RAB40C: variants seen among roughly 807,000 people sequenced by gnomAD.
RAB40C encodes the protein ras-related protein Rab-40C.
RAB40C carries 8 observed loss-of-function variants against 28.1 expected under a neutral mutation model. The observed-to-expected ratio is 0.28, with a 90% CI of 0.17 to 0.51. The LOEUF (loss-of-function observed/expected upper bound fraction) is 0.51. Ranked by LOEUF, RAB40C falls within the 20% of genes least tolerant of loss-of-function variation. The pLI is 0.97. For missense variants in RAB40C, 288 were observed against 405.9 expected, an observed-to-expected ratio of 0.71 and a Z score of 2.50; for synonymous variants, 201 against 171.7, an observed-to-expected ratio of 1.17 and a Z score of -1.34.
At chr16:601,885 T>C (rs1209882236) in intron 1 of RAB40C, among the ~76,000 whole-genome samples, 1 of 146,826 alleles carries the variant, frequency 6.8e-6, no homozygotes, top group Admixed American at 6.9e-5. Flanking sequence ...CCCAGCACTT[T>C]GGGAGGCCGA....
upstream of RAB40C, chr16:589,401 C>G (rs2035941610): frequency 6.6e-6 from 1 of 152,292 alleles, no homozygotes; most frequent in African/African-American, 2.4e-5. Flanking sequence ...TCTGCGGAAG[C>G]AGGCGGCACA....
At chr16:617,167 A>G in intron 1 of RAB40C, 41 bp from the exon 2 acceptor site, 1 of 1,609,234 alleles carries the variant, frequency 6.2e-7, no homozygotes, top group Non-Finnish European at 8.5e-7. Flanking sequence ...CGCTCGCTCC[A>G]GGAGTGGCGC....
intron 5 of RAB40C, among the ~76,000 whole-genome samples, 162 bp from the exon 6 acceptor site, chr16:627,180 T>C (rs2036856352): frequency 6.6e-6 from 1 of 152,202 alleles, no homozygotes; most frequent in African/African-American, 2.4e-5. Context: ...ACATCTGTGC[T>C]GGGCAGAGAA....
chr16:609,870 G>C (rs2036445944), intron 1 of RAB40C, among the ~76,000 whole-genome samples: 1 of 152,174 alleles, frequency 6.6e-6, no homozygotes, highest in African/African-American at 2.4e-5. Context: ...TGTGTGCCTG[G>C]AGGGGGGAGC....
chr16:600,113 G>C (rs559957595), intron 1 of RAB40C, among the ~76,000 whole-genome samples: 1 of 152,310 alleles, frequency 6.6e-6, no homozygotes, highest in South Asian at 2.1e-4. Flanking sequence ...TGTTTGGTTT[G>C]GGACTCCCAT....
Position 617,279 on chromosome 16 carries a change from G to T in RAB40C, c.203+11G>T, listed in dbSNP as rs2036607126. 1.9e-6 allele frequency: 3 copies of T among 1,614,130 alleles called. No individual in the cohort carries two copies. The highest frequency in any genetic ancestry group is 2.5e-6 in the Non-Finnish European group (3 of 1,179,990). On this transcript the variant is annotated intron_variant, in intron 2 of 5. Transcript: ENST00000248139. ...GAAGCTGGAGCTCTGGTGAGTTGGG[G>T]CTGCGGCACTTCAGTTCCTGGGTGA...
In RAB40C at chr16:616,981, C is replaced by T. The variant is rs560914875; in HGVS notation, c.143-227C>T. ...TGACACTGTATGGACCACGCTCCTG[C>T]CCTGCCCTGCCCCGCCCTGCCCGTG... is the stretch of plus-strand genomic sequence containing the variant. On this transcript the variant is annotated intron_variant, in intron 1 of 5. Transcript: ENST00000248139. 3.7e-4 allele frequency: 208 copies of T among 557,262 alleles called. 3 individuals carry two copies. In the East Asian group the frequency reaches 6.2e-3, roughly 17 times the overall value. The allele number at this position is 557,262 out of a possible 1,614,324, so 34.5% of individuals were successfully genotyped here.
chr16:601,604 A>C (rs1407367432), intron 1 of RAB40C, among the ~76,000 whole-genome samples: 2 of 152,082 alleles, frequency 1.3e-5, no homozygotes, highest in African/African-American at 4.8e-5. Context: ...TTCAGACAGG[A>C]GATTCTCATG....
chr16:624,199 G>A (rs1773728133), intron 3 of RAB40C: 1 of 985,428 alleles, frequency 1.0e-6, no homozygotes, highest in Non-Finnish European at 1.2e-6. Flanking sequence ...GCGGGAGGTT[G>A]CCATGCGGGA....
At chr16:621,101 C>G (rs1312227818) in intron 3 of RAB40C, among the ~76,000 whole-genome samples, 1 of 152,236 alleles carries the variant, frequency 6.6e-6, no homozygotes, top group Non-Finnish European at 1.5e-5. Context: ...TTTCCACATG[C>G]GAGGAGCAGG....
intron 3 of RAB40C, 94 bp downstream of exon 3, chr16:618,354 A>G (rs1031880143): frequency 1.6e-6 from 2 of 1,260,628 alleles, no homozygotes; most frequent in East Asian, 2.5e-5. Flanking sequence ...ACTCCCAAGG[A>G]CTTTCTTTCT....
chr16:605,700 A>G (rs1431520279), intron 1 of RAB40C, among the ~76,000 whole-genome samples: 3 of 152,098 alleles, frequency 2.0e-5, no homozygotes, highest in African/African-American at 7.2e-5. Context: ...TCCACTCCAG[A>G]TGGGCTTTGG....
At chr16:615,462 G>C (rs2036568112) in intron 1 of RAB40C, among the ~76,000 whole-genome samples, 1 of 152,214 alleles carries the variant, frequency 6.6e-6, no homozygotes, top group Admixed American at 6.5e-5. Context: ...CTTGGAGAAA[G>C]TGTCATAAAA....
At chr16:618,768 G>A (rs943492628) in intron 3 of RAB40C, among the ~76,000 whole-genome samples, 21 of 147,504 alleles carry the variant, frequency 1.4e-4, no homozygotes, top group African/African-American at 4.8e-4. Flanking sequence ...GGGGCCATGT[G>A]TGCAGTGTGT....
At chr16:596,191 C>G (rs191259402) in intron 1 of RAB40C, 1 of 417,748 alleles carries the variant, frequency 2.4e-6, no homozygotes, top group Admixed American at 2.5e-5. Context: ...GTGGCCTGCA[C>G]GATGAGCTAA....
chr16:604,662 G>A (rs1230936318), intron 1 of RAB40C, among the ~76,000 whole-genome samples: 1 of 152,222 alleles, frequency 6.6e-6, no homozygotes, highest in African/African-American at 2.4e-5. Context: ...CCCTTAGGTA[G>A]ATCTAAGAGT....
At chr16:619,946 C>T (rs539317977) in intron 3 of RAB40C, among the ~76,000 whole-genome samples, 10 of 152,328 alleles carry the variant, frequency 6.6e-5, no homozygotes, top group East Asian at 3.9e-4. Flanking sequence ...GGAGTTCCCT[C>T]GGAGATGTTG....
intron 4 of RAB40C, 182 bp from the exon 5 acceptor site, chr16:625,717 C>A: frequency 1.2e-6 from 1 of 829,096 alleles, no homozygotes; most frequent in Non-Finnish European, 1.9e-6. Flanking sequence ...AGCTACGGGG[C>A]CACCCGGAAG....
At chr16:602,862 GCA>G (rs1437052670) in intron 1 of RAB40C, among the ~76,000 whole-genome samples, 7 of 152,224 alleles carry the variant, frequency 4.6e-5, no homozygotes, top group Admixed American at 2.6e-4. Context: ...TAGCCACCAA[GCA>G]CAGCCAGAAA....
Sources: allele counts gnomAD v4.1 joint callset (sites outside exome capture counted in the v4.1 genomes callset), GRCh38; gene constraint gnomAD v4.1.1; transcripts MANE v1.5; gene names NCBI Gene and HGNC (gene_info 2026-07-23, HGNC 2026-07-21).